The following AK7 variants were observed in gnomAD, a reference collection of about 807,000 sequenced individuals.
AK7 encodes ATP-AMP transphosphorylase 7.
AK7 carries 78 observed loss-of-function variants against 96.6 expected under a neutral mutation model. The observed-to-expected ratio is 0.81, with a 90% CI of 0.67 to 0.97. The LOEUF (loss-of-function observed/expected upper bound fraction) is 0.97. Ranked by LOEUF, AK7 falls within the 50% of genes least tolerant of loss-of-function variation. AK7 has a pLI of 0.00. For missense variants in AK7, 855 were observed against 887.9 expected, an observed-to-expected ratio of 0.96 and a Z score of 0.47; for synonymous variants, 302 against 317.2, an observed-to-expected ratio of 0.95 and a Z score of 0.51.
chr14:96,392,588 C>A (rs1286210757), intron 1 of AK7, among the ~76,000 whole-genome samples: 1 of 152,240 alleles, frequency 6.6e-6, no homozygotes, highest in Non-Finnish European at 1.5e-5. Context: ...ACAGAGACTC[C>A]AGGTCTCTTG....
At chr14:96,480,279 C>G (rs1442742763) in intron 15 of AK7, among the ~76,000 whole-genome samples, 2 of 151,862 alleles carry the variant, frequency 1.3e-5, no homozygotes, top group African/African-American at 4.8e-5. Context: ...TAAAAATACA[C>G]AAATTAGCTG....
rs1890296003 is a variant in AK7, at chr14:96,399,746, C to T, written c.294+1483C>T. Among the ~76,000 whole-genome samples the T allele has an allele frequency of 6.6e-6, 1 of 152,214 alleles. No homozygotes were observed. Among genetic ancestry groups the T allele is most frequent in the South Asian group, 2.1e-4 (1 of 4,830 alleles). ...TTCTTGTGCCTCGGCTCTGCACTGA[C>T]TAAGCGCCCAAGTCCTCCTTCCCAG... On this transcript the variant is annotated intron_variant, in intron 2 of 17. Coordinates refer to ENST00000267584, the MANE Select transcript of AK7 (RefSeq NM_152327.5). This position sits in a 1 kb window ranked among gnomAD's most constrained non-coding sequence, Gnocchi z 4.1.
Position 96,408,840 on chromosome 14 carries a change from C to A in AK7, c.404-7C>A, listed in dbSNP as rs1451598191. 1.9e-6 allele frequency: 3 copies of A among 1,613,126 alleles called. No homozygotes were observed. Among genetic ancestry groups the A allele is most frequent in the African/African-American group, 2.7e-5 (2 of 74,948 alleles). Reference sequence around the variant, plus strand: ...CCAAATAACCACTCTGCTTTTTGGCCCCACAGCACTCAGTGAAGAAGTCAG... The same window carrying A: ...CCAAATAACCACTCTGCTTTTTGGCACCACAGCACTCAGTGAAGAAGTCAG... On this transcript the variant is annotated splice_region_variant and splice_polypyrimidine_tract_variant and intron_variant, in intron 3 of 17. Coordinates refer to ENST00000267584, the MANE Select transcript of AK7 (RefSeq NM_152327.5).
intron 8 of AK7, among the ~76,000 whole-genome samples, chr14:96,448,966 A>G (rs1414113188): frequency 7.0e-6 from 1 of 143,246 alleles, no homozygotes; most frequent in Non-Finnish European, 1.6e-5. Flanking sequence ...AAAAACAAAC[A>G]AACAAAAAAA....
chr14:96,475,717 A>G (rs1895136340), intron 14 of AK7, among the ~76,000 whole-genome samples: 2 of 152,142 alleles, frequency 1.3e-5, no homozygotes, highest in African/African-American at 2.4e-5. Flanking sequence ...CACGCCTGCA[A>G]TTCCAGCACT....
intron 5 of AK7, among the ~76,000 whole-genome samples, chr14:96,428,298 C>G (rs1011507717): frequency 6.6e-6 from 1 of 151,844 alleles, no homozygotes; most frequent in Non-Finnish European, 1.5e-5. Flanking sequence ...TGAACTCATC[C>G]TTTTTTATGG....
chr14:96,409,058 C>G, intron 4 of AK7, 117 bp downstream of exon 4: 8 of 958,280 alleles, frequency 8.3e-6, no homozygotes, highest in Non-Finnish European at 1.3e-5. Context: ...GAATCCTATC[C>G]CATAATAAGC....
intron 11 of AK7, among the ~76,000 whole-genome samples, chr14:96,457,377 T>G (rs746966069): frequency 2.6e-5 from 4 of 152,154 alleles, no homozygotes; most frequent in Non-Finnish European, 4.4e-5. Flanking sequence ...GGCTTGTAAC[T>G]ACTTTATTGG....
chr14:96,454,714 G>T (rs1308970134), intron 10 of AK7, among the ~76,000 whole-genome samples: 10 of 151,242 alleles, frequency 6.6e-5, no homozygotes, highest in Non-Finnish European at 2.9e-5. Flanking sequence ...GCTGAAGCTG[G>T]CCTCGTTTTT....
At chr14:96,449,979 T>C in intron 9 of AK7, 100 bp downstream of exon 9, 1 of 944,802 alleles carries the variant, frequency 1.1e-6, no homozygotes, top group Non-Finnish European at 1.6e-6. Context: ...TAAATAACAT[T>C]GATCTGTGAG....
In AK7 at chr14:96,456,547, A is replaced by G; in HGVS notation, c.1227+72A>G. On this transcript the variant is annotated intron_variant, in intron 11 of 17. Transcript: ENST00000267584. Reference sequence around the variant, plus strand: ...TTGTTCTTAGGGTATAAAGATGTATATGATTCGAATTAGCCAGCTGGATGC... The same window carrying G: ...TTGTTCTTAGGGTATAAAGATGTATGTGATTCGAATTAGCCAGCTGGATGC... The G allele has an allele frequency of 7.2e-6, 11 of 1,533,684 alleles. No homozygotes were observed. The South Asian group carries it at 1.1e-4, about 15-fold the overall frequency.
Position 96,456,351 on chromosome 14 carries a change from T to A in AK7, c.1103T>A (p.Ile368Asn). The change falls in exon 11 of 18, where the codon ATC (isoleucine) becomes AAC (asparagine). Residue 368 changes from isoleucine (I) to asparagine (N), a missense_variant. Physicochemically the swap from Ile to Asn is moderately radical, Grantham distance 149 (BLOSUM62 -3). Coordinates refer to ENST00000267584, the MANE Select transcript of AK7 (RefSeq NM_152327.5). ...CCTTACTCTCTCCTCTTTCAGCCAATCAAGATCTGCATTCTTGGTCCCCCT... is the reference window on the plus strand; with the variant it reads ...CCTTACTCTCTCCTCTTTCAGCCAAACAAGATCTGCATTCTTGGTCCCCCT... ...EYKQSRGLMP[I>N]KICILGPPAV... 6.4e-7 allele frequency: 1 copy of A among 1,557,770 alleles called. No individual in the cohort carries two copies. The highest frequency in any genetic ancestry group is 8.7e-7 in the Non-Finnish European group (1 of 1,144,132).
At chr14:96,401,584 G>T (rs1013414068) in intron 2 of AK7, among the ~76,000 whole-genome samples, 2 of 152,172 alleles carry the variant, frequency 1.3e-5, no homozygotes, top group Non-Finnish European at 2.9e-5. Flanking sequence ...GGGAACCACA[G>T]GGAAGACACA....
At chr14:96,452,955 C>T (rs1893691626) in intron 10 of AK7, among the ~76,000 whole-genome samples, 1 of 152,140 alleles carries the variant, frequency 6.6e-6, no homozygotes, top group Non-Finnish European at 1.5e-5. Context: ...ATTCTAAAGA[C>T]AAAAGTAGGT....
At chr14:96,401,311 A>G (rs1890395966) in intron 2 of AK7, among the ~76,000 whole-genome samples, 1 of 152,156 alleles carries the variant, frequency 6.6e-6, no homozygotes, top group Admixed American at 6.5e-5. Flanking sequence ...AGACAGGCAA[A>G]TGAAGCTTCA....
intron 17 of AK7, 48 bp from the exon 18 acceptor site, chr14:96,488,257 A>C: frequency 6.6e-7 from 1 of 1,520,820 alleles, no homozygotes; most frequent in Non-Finnish European, 9.1e-7. Flanking sequence ...CAAATACATG[A>C]CTAATAATAA....
intron 14 of AK7, among the ~76,000 whole-genome samples, chr14:96,474,053 T>C (rs1408610616): frequency 6.6e-6 from 1 of 152,200 alleles, no homozygotes; most frequent in Non-Finnish European, 1.5e-5. Flanking sequence ...AAAGTGTTGT[T>C]GTTTTTAGTC....
At chr14:96,400,922 T>C (rs1462907346) in intron 2 of AK7, among the ~76,000 whole-genome samples, 1 of 152,218 alleles carries the variant, frequency 6.6e-6, no homozygotes, top group Non-Finnish European at 1.5e-5. Context: ...GAATAGTGTC[T>C]TTTATCCCGT....
rs1252642569 is a variant in AK7 at position 96,488,789 on chromosome 14, C to T, written c.*446C>T. 1 of 148,340 alleles carries T rather than the reference C, an allele frequency of 6.7e-6. No individual in the cohort carries two copies. The highest frequency in any genetic ancestry group is 1.5e-5 in the Non-Finnish European group (1 of 67,736). 9.2% of individuals were successfully genotyped at this position (148,340 alleles called of 1,614,324 possible). A position where few individuals can be genotyped will look rare whatever the true frequency, so the allele number is the denominator to read the frequency against. On this transcript the variant is annotated 3_prime_UTR_variant, in exon 18 of 18. Transcript: ENST00000267584. ...GAAGTGATTTATGCCTGTTGACTCA[C>T]AGTAAATCAGACAAGATTGGTGCCT...
Sources: allele counts gnomAD v4.1 joint callset (sites outside exome capture counted in the v4.1 genomes callset), GRCh38; gene constraint gnomAD v4.1.1; non-coding constraint Gnocchi (gnomAD v3.1); transcripts MANE v1.5; gene names NCBI Gene and HGNC (gene_info 2026-07-23, HGNC 2026-07-21).